The following GALNT13 variants were observed in gnomAD, a reference collection of about 807,000 sequenced individuals.
GALNT13 encodes the protein polypeptide N-acetylgalactosaminyltransferase 13.
A neutral mutation model predicts 64.2 loss-of-function variants in GALNT13; 28 were observed. That is an observed-to-expected ratio of 0.44 (90% CI 0.32 to 0.60). The LOEUF is 0.60. Among genes scored for constraint, GALNT13 ranks in the 20% least tolerant of loss-of-function variants. The pLI is 0.05. For missense variants in GALNT13, 577 were observed against 669.8 expected (o/e 0.86, Z 1.53); for synonymous variants, 214 against 224.6 (o/e 0.95, Z 0.42).
chr2:153,279,873 C>T, the GALNT13 span, among the ~76,000 whole-genome samples: 82 of 151,792 alleles, frequency 5.4e-4, no homozygotes, highest in Non-Finnish European at 3.2e-4. Flanking sequence ...GGGTAATACT[C>T]GCGTCATAGA....
chr2:153,793,006 C>T, the GALNT13 span, among the ~76,000 whole-genome samples: 1 of 135,106 alleles, frequency 7.4e-6, no homozygotes, highest in Non-Finnish European at 1.5e-5. Context: ...GAGTCTCACT[C>T]TGTTGCCCAG....
At chr2:153,310,745 A>C in the GALNT13 span, among the ~76,000 whole-genome samples, 2 of 152,204 alleles carry the variant, frequency 1.3e-5, no homozygotes, top group African/African-American at 4.8e-5. Context: ...TCTGGGAGTC[A>C]AAAGTTACAG....
chr2:153,124,235 A>G, the GALNT13 span, among the ~76,000 whole-genome samples: 1 of 152,168 alleles, frequency 6.6e-6, no homozygotes, highest in Non-Finnish European at 1.5e-5. Context: ...TTGAAATAAT[A>G]ACTGTAGCCT....
At chr2:154,029,983 G>A (rs1479745465) in intron 3 of GALNT13, among the ~76,000 whole-genome samples, 1 of 152,118 alleles carries the variant, frequency 6.6e-6, no homozygotes, top group South Asian at 2.1e-4. Flanking sequence ...TTGAAAACGG[G>A]TAAATTGAGA....
the GALNT13 span, among the ~76,000 whole-genome samples, chr2:153,256,653 T>C: frequency 6.6e-6 from 1 of 152,186 alleles, no homozygotes. Flanking sequence ...TTTGTGTGGA[T>C]GTCCTGTTTG....
chr2:153,644,494 G>T, the GALNT13 span, among the ~76,000 whole-genome samples: 1 of 151,950 alleles, frequency 6.6e-6, no homozygotes, highest in African/African-American at 2.4e-5. Context: ...AAGGAAACTG[G>T]AGCTGTTAGC....
intron 3 of GALNT13, among the ~76,000 whole-genome samples, chr2:154,028,501 G>A (rs540774233): frequency 5.4e-4 from 82 of 152,038 alleles, no homozygotes; most frequent in African/African-American, 1.9e-3. Flanking sequence ...TTTTTAAAAC[G>A]GCAATGTATT....
At chr2:153,222,359 T>G in the GALNT13 span, among the ~76,000 whole-genome samples, 2 of 29,656 alleles carry the variant, frequency 6.7e-5, no homozygotes, top group South Asian at 1.5e-3. Context: ...CTTATAGGCT[T>G]AGAAGGGAGG....
At chr2:154,031,671 CA>C (rs1336708580) in intron 3 of GALNT13, among the ~76,000 whole-genome samples, 2 of 151,752 alleles carry the variant, frequency 1.3e-5, no homozygotes, top group South Asian at 2.1e-4. Context: ...TAAATAATGA[CA>C]AAGAAATCAA....
At chr2:154,332,672 G>T (rs1170378775) in intron 9 of GALNT13, among the ~76,000 whole-genome samples, 1 of 152,034 alleles carries the variant, frequency 6.6e-6, no homozygotes, top group East Asian at 1.9e-4. Context: ...TATGTGAGCT[G>T]GTTGCCCTGT....
At chr2:154,173,249 TTGTGC>T (rs1685464252) in intron 4 of GALNT13, among the ~76,000 whole-genome samples, 1 of 151,874 alleles carries the variant, frequency 6.6e-6, no homozygotes, top group African/African-American at 2.4e-5. Context: ...CTTTGATAAA[TTGTGC>T]TGGGGAAACT....
At chr2:154,259,533 T>A (rs955322478) in intron 8 of GALNT13, among the ~76,000 whole-genome samples, 39 of 152,278 alleles carry the variant, frequency 2.6e-4, no homozygotes, top group African/African-American at 8.7e-4. Context: ...CAGAAAACTT[T>A]AAGAATGAAC....
intron 10 of GALNT13, among the ~76,000 whole-genome samples, chr2:154,408,570 G>A (rs918073040): frequency 6.6e-6 from 1 of 151,994 alleles, no homozygotes; most frequent in Non-Finnish European, 1.5e-5. Context: ...TAGCCAATTT[G>A]TTTTTATTTC....
intron 2 of GALNT13, among the ~76,000 whole-genome samples, chr2:153,944,185 T>A (rs1485215361): frequency 1.3e-5 from 2 of 152,110 alleles, no homozygotes. Flanking sequence ...CCTGGCAGAG[T>A]AGTGGCAGAT....
rs1701946863 is a variant in GALNT13 at position 154,453,391 on chromosome 2, A to T, written c.*2840A>T. The T allele has an allele frequency of 1.3e-5, 2 of 151,940 alleles. No homozygotes were observed. The highest frequency in any genetic ancestry group is 1.3e-4 in the Admixed American group (2 of 15,182). The allele number at this position is 151,940 out of a possible 1,614,324, so 9.4% of individuals were successfully genotyped here. ...ACATGCAATTCTACCTTTTTCTAAC[A>T]CCATCTCTTATCTCTCATTATTCTG... is the stretch of plus-strand genomic sequence containing the variant. On this transcript the variant is annotated 3_prime_UTR_variant, in exon 13 of 13. Transcript: ENST00000392825.
chr2:154,154,525 A>T (rs942489534), intron 4 of GALNT13, among the ~76,000 whole-genome samples: 3 of 152,332 alleles, frequency 2.0e-5, no homozygotes, highest in East Asian at 3.9e-4. Context: ...TATTATATAA[A>T]AGGTATTATA....
chr2:154,393,804 C>T (rs144386300), intron 9 of GALNT13, among the ~76,000 whole-genome samples: 2 of 152,088 alleles, frequency 1.3e-5, no homozygotes, highest in African/African-American at 4.8e-5. Flanking sequence ...CAAGGCCGGG[C>T]GCGGTGGCTC....
the GALNT13 span, among the ~76,000 whole-genome samples, chr2:153,268,791 C>T: frequency 7.9e-4 from 120 of 152,338 alleles, no homozygotes; most frequent in South Asian, 3.9e-3. Flanking sequence ...GGCCCAACAA[C>T]ACCTGGAAGC....
chr2:153,743,762 A>G, the GALNT13 span, among the ~76,000 whole-genome samples: 1 of 152,034 alleles, frequency 6.6e-6, no homozygotes, highest in Non-Finnish European at 1.5e-5. Flanking sequence ...TCAAATAGTA[A>G]ATCTTAGTCA....
Sources: gnomAD v4.1 joint callset for allele counts (sites outside exome capture counted in the v4.1 genomes callset) on GRCh38, gnomAD v4.1.1 for gene constraint, MANE v1.5 for transcripts, NCBI Gene and HGNC (gene_info 2026-07-23, HGNC 2026-07-21) for gene names.